RIMS3: variants seen among roughly 807,000 people sequenced by gnomAD.
RIMS3 encodes the protein regulating synaptic membrane exocytosis 3, also known as regulating synaptic membrane exocytosis protein 3.
A neutral mutation model predicts 29.2 loss-of-function variants in RIMS3; 15 were observed. The observed-to-expected ratio is 0.51, with a 90% CI of 0.34 to 0.79. RIMS3 has a LOEUF of 0.79. Among genes scored for constraint, RIMS3 ranks in the 30% least tolerant of loss-of-function variants. The pLI is 0.01. For missense variants in RIMS3, 342 were observed against 421.4 expected, an observed-to-expected ratio of 0.81 and a Z score of 1.65; for synonymous variants, 161 against 170.1, an observed-to-expected ratio of 0.95 and a Z score of 0.41.
Position 40,622,954 on chromosome 1 carries a change from G to T in RIMS3, c.*3563C>A, listed in dbSNP as rs1646431859. 1 of 154,680 alleles carries T rather than the reference G, an allele frequency of 6.5e-6. No individual in the cohort carries two copies. Among genetic ancestry groups the T allele is most frequent in the Non-Finnish European group, 1.4e-5 (1 of 69,500 alleles). The allele number at this position is 154,680 out of a possible 1,614,324, so 9.6% of individuals were successfully genotyped here. A position where few individuals can be genotyped will look rare whatever the true frequency, so the allele number is the denominator to read the frequency against. ...TCATTTCCAAAGAAGTACCCTTGGA[G>T]GTCTTTATTGTCTTTAAAAATGGAG... On this transcript the variant is annotated 3_prime_UTR_variant, in exon 8 of 8. Coordinates refer to ENST00000372684, the MANE Select transcript of RIMS3 (RefSeq NM_014747.3).
chr1:40,672,347 C>A, the RIMS3 span, among the ~76,000 whole-genome samples: 1 of 151,744 alleles, frequency 6.6e-6, no homozygotes, highest in Admixed American at 6.6e-5. Context: ...TACAGGTGCC[C>A]GCCACCACGC....
intron 1 of RIMS3, among the ~76,000 whole-genome samples, chr1:40,663,388 G>C (rs1454172940): frequency 6.6e-6 from 1 of 152,154 alleles, no homozygotes; most frequent in Non-Finnish European, 1.5e-5. Context: ...GCTGTTGCCT[G>C]GGGGAGAAGG....
In RIMS3 at chr1:40,633,181, C is replaced by T. The variant is rs759805141; in HGVS notation, c.360G>A (p.Thr120=). ...CTAGCCGGGTAGTGGGGAAGATGAA[C>T]CTGCAGGAGGAGGCAGAGGGACGCG... The part of the protein sequence containing the change: ...GSTNSNSSDG[T]FIFPTTRLGA... Residue 120 remains threonine (T), a splice_region_variant and synonymous_variant, in exon 5 of 8, where the codon ACG becomes ACA. Coordinates refer to ENST00000372684, the MANE Select transcript of RIMS3 (RefSeq NM_014747.3). 3 of 1,613,470 alleles carry T rather than the reference C, an allele frequency of 1.9e-6. No individual in the cohort carries two copies. Among genetic ancestry groups the T allele is most frequent in the South Asian group, 1.1e-5 (1 of 91,066 alleles).
At position 40,626,616 on chromosome 1, in the gene RIMS3, G is replaced by C. The variant is rs896140942; in HGVS notation, c.828C>G (p.Leu276=). 3.1e-6 allele frequency: 5 copies of C among 1,614,088 alleles called. No individual in the cohort carries two copies. In the African/African-American group the frequency reaches 6.7e-5, roughly 22 times the overall value. Residue 276 remains leucine (L), a synonymous_variant, in exon 8 of 8, where the codon CTC becomes CTG. Coordinates refer to ENST00000372684, the MANE Select transcript of RIMS3 (RefSeq NM_014747.3). ...AGTCTGCCACTGAGGAGGTGGGGAA[G>C]AGTTTGTACCAGCCGGTGACCGCGG... ...LSAAVTGWYK[L]FPTSSVADST...
chr1:40,628,972 A>T (rs757442529), intron 6 of RIMS3, 23 bp from the exon 7 acceptor site: 1 of 1,612,592 alleles, frequency 6.2e-7, no homozygotes, highest in Non-Finnish European at 8.5e-7. Flanking sequence ...AGAATGTATG[A>T]CAGGGAGGGG....
At chr1:40,629,075 G>A in intron 6 of RIMS3, 126 bp from the exon 7 acceptor site, 1 of 1,267,158 alleles carries the variant, frequency 7.9e-7, no homozygotes. Flanking sequence ...CCAGTGGACA[G>A]CAGGCAGAAG....
rs1646455539 is a variant in RIMS3, at chr1:40,626,560, G to A, written c.884C>T (p.Ser295Phe). 6.2e-7 allele frequency: 1 copy of A among 1,613,346 alleles called. No homozygotes were observed. The highest frequency in any genetic ancestry group is 8.5e-7 in the Non-Finnish European group (1 of 1,179,696). ...STLGSLTRRL[S>F]QSSLESATSP... ...GGTGGCACTCTCCAGGGAAGACTGG[G>A]ACAGGCGCCTGGTGAGGGATCCGAG... Residue 295 changes from serine to phenylalanine, a missense_variant, in exon 8 of 8, where the codon TCC (serine) becomes TTC (phenylalanine). Ser to Phe is a radical substitution (Grantham distance 155). Transcript: ENST00000372684.
chr1:40,635,835 G>A lies in RIMS3; in HGVS notation c.359+81C>T, dbSNP rs1175046548. 6.4e-6 allele frequency: 10 copies of A among 1,557,134 alleles called. No homozygotes were observed. In the Admixed American group the frequency reaches 1.2e-4, roughly 19 times the overall value. On this transcript the variant is annotated intron_variant, in intron 4 of 7. Coordinates refer to ENST00000372684, the MANE Select transcript of RIMS3 (RefSeq NM_014747.3). The surrounding 1 kb of genome is among the most constrained non-coding windows in gnomAD (Gnocchi z 4.1). ...ATTTTAGCTGGAAACAAAACAGGGA[G>A]GCTTTCCCACCCTGCCCAGTGGCTC...
In RIMS3 at chr1:40,641,345, G is replaced by C. The variant is rs144721644; in HGVS notation, c.217+364C>G. On this transcript the variant is annotated intron_variant, in intron 3 of 7. Transcript: ENST00000372684. ...ACTTACACAGTGCCAGGATCATAAG[G>C]CTGTTTAATAAGTAATTACTGGTTA... Among the ~76,000 whole-genome samples the C allele has an allele frequency of 6.7e-3, 1,016 of 152,322 alleles. 9 individuals are homozygous for C. Among genetic ancestry groups the C allele is most frequent in the African/African-American group, 0.023 (948 of 41,564 alleles).
upstream of RIMS3, among the ~76,000 whole-genome samples, chr1:40,667,314 T>G (rs1329028017): frequency 2.0e-5 from 3 of 151,702 alleles, no homozygotes; most frequent in Non-Finnish European, 2.9e-5. Context: ...GGTGGTAGAA[T>G]GGGTTACTCT....
intron 4 of RIMS3, among the ~76,000 whole-genome samples, chr1:40,633,392 C>G (rs1309953296): frequency 6.6e-6 from 1 of 152,252 alleles, no homozygotes; most frequent in Non-Finnish European, 1.5e-5. Flanking sequence ...TTTGATGTCA[C>G]TTGAGAAAAT....
At chr1:40,640,547 T>C (rs1044738687) in intron 3 of RIMS3, among the ~76,000 whole-genome samples, 1 of 151,986 alleles carries the variant, frequency 6.6e-6, no homozygotes, top group Non-Finnish European at 1.5e-5. Flanking sequence ...CACCATCCCA[T>C]CCAGCTGCCT....
intron 3 of RIMS3, among the ~76,000 whole-genome samples, chr1:40,637,633 TCA>T (rs1646529344): frequency 6.6e-6 from 1 of 152,156 alleles, no homozygotes; most frequent in African/African-American, 2.4e-5. Context: ...CAGGTTTATA[TCA>T]CAGTCACACA....
chr1:40,675,698 C>T, the RIMS3 span, among the ~76,000 whole-genome samples: 35 of 140,250 alleles, frequency 2.5e-4, 2 homozygotes, highest in African/African-American at 4.1e-4. Flanking sequence ...GCGGAGGTTG[C>T]GGTGAGCTGA....
the RIMS3 span, among the ~76,000 whole-genome samples, chr1:40,688,256 C>T: frequency 1.3e-5 from 2 of 152,218 alleles, no homozygotes; most frequent in Non-Finnish European, 2.9e-5. Flanking sequence ...AGCCACCACG[C>T]CTGGCCAGCG....
chr1:40,626,571 G>T lies in RIMS3; in HGVS notation c.873C>A (p.Thr291=), dbSNP rs776969428. ...CCAGGGAAGACTGGGACAGGCGCCT[G>T]GTGAGGGATCCGAGTGTGGAGTCTG... is the stretch of plus-strand genomic sequence containing the variant. ...SVADSTLGSL[T]RRLSQSSLES... Residue 291 remains threonine (T), a synonymous_variant, in exon 8 of 8, where the codon ACC becomes ACA. Coordinates refer to ENST00000372684, the MANE Select transcript of RIMS3 (RefSeq NM_014747.3). The T allele has an allele frequency of 5.0e-5, 81 of 1,613,758 alleles. No individual in the cohort carries two copies. Among genetic ancestry groups the T allele is most frequent in the Non-Finnish European group, 6.9e-5 (81 of 1,179,906 alleles).
chr1:40,645,772 G>T (rs968558846), intron 2 of RIMS3, among the ~76,000 whole-genome samples: 11 of 152,148 alleles, frequency 7.2e-5, no homozygotes, highest in Non-Finnish European at 1.6e-4. Context: ...CAACCCAGGG[G>T]CTCATGTTTC....
At chr1:40,669,589 G>C (rs1285582218), upstream of RIMS3, 3 of 152,354 alleles carry the variant, frequency 2.0e-5, no homozygotes, top group East Asian at 5.8e-4. Flanking sequence ...TCCCAGAGGA[G>C]ACGTCCTCCA....
intron 1 of RIMS3, among the ~76,000 whole-genome samples, chr1:40,660,840 C>A (rs1208618662): frequency 6.6e-6 from 1 of 152,082 alleles, no homozygotes; most frequent in African/African-American, 2.4e-5. Flanking sequence ...GACCTAGGGG[C>A]AGAGTGACAA....
Sources: gnomAD v4.1 joint callset for allele counts (sites outside exome capture counted in the v4.1 genomes callset) on GRCh38, gnomAD v4.1.1 for gene constraint, Gnocchi (gnomAD v3.1) non-coding constraint, MANE v1.5 for transcripts, NCBI Gene and HGNC (gene_info 2026-07-23, HGNC 2026-07-21) for gene names.